AMOTL1: variants seen among roughly 807,000 people sequenced by gnomAD.
The protein encoded by AMOTL1 is angiomotin-like protein 1.
In AMOTL1, 45 loss-of-function variants were observed where a neutral mutation model predicts 102.9. The ratio of observed to expected loss-of-function variants is 0.44; its 90% CI spans 0.34 to 0.56. The LOEUF (loss-of-function observed/expected upper bound fraction) is 0.56. AMOTL1 is among the 20% of genes least tolerant of loss of function. The pLI is 0.01. For missense variants in AMOTL1, 1,114 were observed against 1,225.6 expected (o/e 0.91, Z 1.36); for synonymous variants, 481 against 484.7 (o/e 0.99, Z 0.10).
At chr11:94,820,263 G>A (rs922280269) in intron 3 of AMOTL1, 2 of 152,256 alleles carry the variant, frequency 1.3e-5, no homozygotes, top group African/African-American at 2.4e-5. Context: ...GCTCTCCTCA[G>A]TTCTCACCTA....
chr11:94,869,486 C>T lies in AMOTL1; in HGVS notation c.2764+13C>T. ...GCAGAGAAACTGGGTATGTGGGCTA[C>T]CCCACCTTGATGCCCCTGAAAACTG... is the stretch of plus-strand genomic sequence containing the variant. On this transcript the variant is annotated intron_variant, in intron 12 of 12. Transcript: ENST00000433060. 2.5e-6 allele frequency: 4 copies of T among 1,580,152 alleles called. No homozygotes were observed. The South Asian group carries it at 4.6e-5, about 18-fold the overall frequency.
In AMOTL1 at chr11:94,762,882, T is replaced by C. The variant is rs1313018080; in HGVS notation, c.136+21894T>C. Among the ~76,000 whole-genome samples the C allele has an allele frequency of 1.1e-4, 17 of 152,312 alleles. No homozygotes were observed. The East Asian group carries it at 3.1e-3, about 28-fold the overall frequency. On this transcript the variant is annotated intron_variant, in intron 3 of 4. Coordinates refer to the AMOTL1 transcript ENST00000299004. The stretch of plus-strand genomic sequence containing the variant: ...AAGCCAGAAGAGACTGGTGTGTCAC[T>C]ATGGGTGTGAAACGAAAAACATCCC...
chr11:94,862,125 T>C (rs1952787312), intron 9 of AMOTL1, among the ~76,000 whole-genome samples: 1 of 152,182 alleles, frequency 6.6e-6, no homozygotes, highest in African/African-American at 2.4e-5. Context: ...CCCCTCCTTC[T>C]TTGCTTTTAC....
At chr11:94,790,384 A>G (rs569878601) in intron 1 of AMOTL1, among the ~76,000 whole-genome samples, 2 of 152,300 alleles carry the variant, frequency 1.3e-5, no homozygotes, top group South Asian at 4.1e-4. Flanking sequence ...TGTGTGCCTC[A>G]GATCATAAGT....
intron 2 of AMOTL1, among the ~76,000 whole-genome samples, chr11:94,739,439 G>A (rs12417181): frequency 0.069 from 10,506 of 152,164 alleles, 827 homozygotes; most frequent in East Asian, 0.17. Flanking sequence ...TGCTTCCCTG[G>A]GCTCCCTAAG....
Position 94,813,556 on chromosome 11 carries a change from C to T in AMOTL1, c.1122-7974C>T, listed in dbSNP as rs187924605. ...AATGTTATCAGTGGGCACACCTAAACCATCCCTCCCCTCTCTCGCTACACA... is the reference window on the plus strand; with the variant it reads ...AATGTTATCAGTGGGCACACCTAAATCATCCCTCCCCTCTCTCGCTACACA... On this transcript the variant is annotated intron_variant, in intron 3 of 12. Transcript: ENST00000433060. Among the ~76,000 whole-genome samples the T allele has an allele frequency of 2.6e-5, 4 of 152,370 alleles. No individual in the cohort carries two copies. The East Asian group carries it at 7.7e-4, about 29-fold the overall frequency.
intron 3 of AMOTL1, among the ~76,000 whole-genome samples, chr11:94,819,982 C>A (rs1477228647): frequency 6.6e-6 from 1 of 152,100 alleles, no homozygotes; most frequent in Non-Finnish European, 1.5e-5. Context: ...GGAGCTAATA[C>A]TAGGTATTTG....
At chr11:94,720,657 G>A (rs531722650) in intron 1 of AMOTL1, among the ~76,000 whole-genome samples, 1 of 152,056 alleles carries the variant, frequency 6.6e-6, no homozygotes, top group African/African-American at 2.4e-5. Flanking sequence ...GTGTCTTTTG[G>A]TGCTTCTCCC....
intron 6 of AMOTL1, among the ~76,000 whole-genome samples, chr11:94,837,399 T>A (rs1413043173): frequency 1.3e-5 from 2 of 152,200 alleles, no homozygotes; most frequent in East Asian, 3.8e-4. Flanking sequence ...CCTTCTTGCA[T>A]CTATTTTGGC....
At chr11:94,840,671 T>C (rs1466385591) in intron 6 of AMOTL1, among the ~76,000 whole-genome samples, 3 of 127,542 alleles carry the variant, frequency 2.4e-5, no homozygotes, top group African/African-American at 9.0e-5. Flanking sequence ...TATATATATA[T>C]ATATATATAT....
At position 94,840,660 on chromosome 11, in the gene AMOTL1, A is replaced by G. The variant is rs944835435; in HGVS notation, c.1648+9119A>G. ...GAGGGGCCACTTAAAAAACGTATAT[A>G]TATATATATATATATATATATACAC... On this transcript the variant is annotated intron_variant, in intron 6 of 12. Transcript: ENST00000433060. Among the ~76,000 whole-genome samples the G allele has an allele frequency of 2.6e-4, 31 of 119,432 alleles. No individual in the cohort carries two copies. The South Asian group carries it at 8.9e-3, about 34-fold the overall frequency. The allele number at this position is 119,432 out of a possible 152,430, so 78.4% of individuals were successfully genotyped here.
intron 6 of AMOTL1, among the ~76,000 whole-genome samples, chr11:94,839,251 G>A (rs1952246958): frequency 6.6e-6 from 1 of 152,232 alleles, no homozygotes; most frequent in Non-Finnish European, 1.5e-5. Context: ...ACCGGCTGTG[G>A]TCATTTAACA....
chr11:94,799,742 C>A lies in AMOTL1; in HGVS notation c.552C>A (p.Asn184Lys). Reference protein sequence around the residue: ...KQVRSTQPQQNNEELPTYEEA... With the variant: ...KQVRSTQPQQKNEELPTYEEA... ...TCCGGTCCACGCAGCCTCAGCAGAA[C>A]AACGAGGAACTGCCCACTTACGAGG... is the stretch of plus-strand genomic sequence containing the variant. Residue 184 changes from asparagine to lysine, a missense_variant, in exon 3 of 13, where the codon AAC (asparagine) becomes AAA (lysine). Physicochemically the swap from Asn to Lys is moderately conservative, Grantham distance 94. Coordinates refer to ENST00000433060, the MANE Select transcript of AMOTL1 (RefSeq NM_130847.3). The surrounding 1 kb of genome is among the most constrained non-coding windows in gnomAD (Gnocchi z 4.5). 1 of 1,612,002 alleles carries A rather than the reference C, an allele frequency of 6.2e-7. No individual in the cohort carries two copies. Among genetic ancestry groups the A allele is most frequent in the Non-Finnish European group, 8.5e-7 (1 of 1,178,756 alleles).
At chr11:94,723,252 G>T (rs1469082441) in intron 1 of AMOTL1, among the ~76,000 whole-genome samples, 1 of 151,798 alleles carries the variant, frequency 6.6e-6, no homozygotes, top group Admixed American at 6.6e-5. Context: ...GTATTATCCT[G>T]CAATGGAAAA....
At chr11:94,867,259 A>G (rs78025925) in intron 11 of AMOTL1, among the ~76,000 whole-genome samples, 2 of 152,268 alleles carry the variant, frequency 1.3e-5, no homozygotes, top group East Asian at 1.9e-4. Flanking sequence ...CCCAAAGGAA[A>G]TGCACTTCAA....
At chr11:94,846,964 T>G (rs1433095539) in intron 6 of AMOTL1, among the ~76,000 whole-genome samples, 12 of 152,218 alleles carry the variant, frequency 7.9e-5, no homozygotes, top group Admixed American at 6.5e-4. Flanking sequence ...ACTATTATCA[T>G]GAGCATTGTT....
In AMOTL1 at chr11:94,775,500, A is replaced by G. The variant is rs1317307778; in HGVS notation, c.49+6940A>G. ...TAACTCTGTGACTTTTTTTTTTTCT[A>G]GCAGTTTAGGACAGATGTGATCTGG... is the stretch of plus-strand genomic sequence containing the variant. On this transcript the variant is annotated intron_variant, in intron 1 of 12. Coordinates refer to ENST00000433060, the MANE Select transcript of AMOTL1 (RefSeq NM_130847.3). Among the ~76,000 whole-genome samples the G allele has an allele frequency of 2.0e-5, 3 of 151,390 alleles. No homozygotes were observed. The East Asian group carries it at 5.8e-4, about 29-fold the overall frequency.
intron 1 of AMOTL1, among the ~76,000 whole-genome samples, chr11:94,778,981 T>C (rs1951067219): frequency 6.6e-6 from 1 of 152,224 alleles, no homozygotes; most frequent in South Asian, 2.1e-4. Context: ...TATGATTTAA[T>C]TTTGGAAGTC....
chr11:94,863,733 C>T (rs1952820882), intron 9 of AMOTL1, among the ~76,000 whole-genome samples: 1 of 152,216 alleles, frequency 6.6e-6, no homozygotes. Context: ...TGAGCTATAT[C>T]ACTTAGATGA....
Sources: allele counts gnomAD v4.1 joint callset (sites outside exome capture counted in the v4.1 genomes callset), GRCh38; gene constraint gnomAD v4.1.1; non-coding constraint Gnocchi (gnomAD v3.1); transcripts MANE v1.5; gene names NCBI Gene and HGNC (gene_info 2026-07-23, HGNC 2026-07-21).